The following TNC variants were observed in gnomAD, a reference collection of about 807,000 sequenced individuals.
The protein encoded by TNC is tenascin.
A neutral mutation model predicts 202.4 loss-of-function variants in TNC; 109 were observed. The ratio of observed to expected loss-of-function variants is 0.54; its 90% CI spans 0.46 to 0.63. The LOEUF is 0.63. Ranked by LOEUF, TNC falls within the 30% of genes least tolerant of loss-of-function variation. The probability of loss-of-function intolerance (pLI) is 0.00; values close to 1 mark genes in which losing one functional copy is unlikely to be tolerated. For synonymous variants in TNC, 1,007 were observed against 1,089.7 expected (o/e 0.92, Z 1.50); for missense variants, 2,756 against 2,833.3 (o/e 0.97, Z 0.62).
At chr9:115,094,817 C>CTGTG (rs1166113704) in intron 1 of TNC, among the ~76,000 whole-genome samples, 8 of 29,870 alleles carry the variant, frequency 2.7e-4, no homozygotes, top group African/African-American at 7.8e-4. Context: ...ACAAGTGCCT[C>CTGTG]TGTGTGTGTG....
intron 1 of TNC, among the ~76,000 whole-genome samples, chr9:115,111,399 C>CTCTCTTTTTTTTTTTTTTTTTT (rs1174066886): frequency 9.8e-5 from 7 of 71,362 alleles, no homozygotes; most frequent in East Asian, 6.5e-4. Context: ...CTCTCTCTCT[C>CTCTCTTTTTTTTTTTTTTTTTT]TTTTTTTTTT....
At position 115,048,461 on chromosome 9, in the gene TNC, C is replaced by A; in HGVS notation, c.4651G>T (p.Ala1551Ser). ...NPYGFTVSWM[A>S]SENAFDSFLV... ...AAGCTGTCAAAGGCATTCTCCGATG[C>A]CATCCAGGAAACTGTGAACCCGTAG... is the stretch of plus-strand genomic sequence containing the variant. The change falls in exon 16 of 28, where the codon GCA becomes TCA. Residue 1551 changes from alanine to serine, a missense_variant. Physicochemically the swap from Ala to Ser is moderately conservative, Grantham distance 99 (BLOSUM62 1). Coordinates refer to ENST00000350763, the MANE Select transcript of TNC (RefSeq NM_002160.4). 3 of 1,613,986 alleles carry A rather than the reference C, an allele frequency of 1.9e-6. No individual in the cohort carries two copies. Among genetic ancestry groups the A allele is most frequent in the Non-Finnish European group, 2.5e-6 (3 of 1,179,944 alleles).
chr9:115,048,926 T>C (rs11789268), intron 15 of TNC, among the ~76,000 whole-genome samples: 18,828 of 151,680 alleles, frequency 0.12, 1,382 homozygotes, highest in Non-Finnish European at 0.18. Flanking sequence ...TCCCACTGCC[T>C]TCAGCTCTTT....
At chr9:115,026,410 A>T in intron 26 of TNC, 124 bp downstream of exon 26, 1 of 1,096,476 alleles carries the variant, frequency 9.1e-7, no homozygotes, top group Non-Finnish European at 1.3e-6. Flanking sequence ...GTAGGTACTT[A>T]AATATTTGTT....
rs747518808 is a variant in TNC, at chr9:115,035,185, T to C, written c.5787+19A>G. ...AATGCTTCAACTAGCATTGAGGAGT[T>C]GTTATATACTTAAAATACCTTGACT... On this transcript the variant is annotated intron_variant, in intron 22 of 27. Coordinates refer to ENST00000350763, the MANE Select transcript of TNC (RefSeq NM_002160.4). 1.3e-6 allele frequency: 2 copies of C among 1,587,720 alleles called. No homozygotes were observed. Among genetic ancestry groups the C allele is most frequent in the Admixed American group, 1.8e-5 (1 of 55,964 alleles).
chr9:115,027,500 G>A (rs1028608851), intron 25 of TNC, among the ~76,000 whole-genome samples: 3 of 152,022 alleles, frequency 2.0e-5, no homozygotes, highest in Non-Finnish European at 2.9e-5. Context: ...TGAGGCAGGC[G>A]AATTGCTTGA....
chr9:115,084,705 T>C (rs1044004858), intron 3 of TNC, among the ~76,000 whole-genome samples: 10 of 152,122 alleles, frequency 6.6e-5, no homozygotes, highest in Non-Finnish European at 1.5e-4. Context: ...AGTGTGCCCT[T>C]GGGTGTTTCT....
intron 15 of TNC, among the ~76,000 whole-genome samples, chr9:115,054,520 A>G (rs1210194473): frequency 6.6e-6 from 1 of 152,218 alleles, no homozygotes; most frequent in Non-Finnish European, 1.5e-5. Flanking sequence ...ATGCTACCAG[A>G]CAGACTATCA....
Position 115,077,944 on chromosome 9 carries a change from T to G in TNC, c.2673A>C (p.Thr891=), listed in dbSNP as rs527237713. 7.5e-5 allele frequency: 121 copies of G among 1,613,500 alleles called. 1 individual carries two copies. The South Asian group carries it at 1.3e-3, about 17-fold the overall frequency. ...TGTTAACAGGGGGAGGCCTTTTACC[T>G]GTTGTGAAGGTCTCTTTGGCTGGGT... ...SSNPAKETFT[T]GLDAPRNLRR... The change falls in exon 7 of 28, where the codon ACA becomes ACC. Residue 891 remains threonine, a splice_region_variant and synonymous_variant. Transcript: ENST00000350763.
At position 115,095,504 on chromosome 9, in the gene TNC, ATATATATATG is replaced by A. The variant is rs1564137980; in HGVS notation, c.-136-4360_-136-4351del. ...TGTATATATATATGTATATATATGT[ATATATATATG>A]TATATATATGTATATATATATGTAT... On this transcript the variant is annotated intron_variant, in intron 1 of 27. Transcript: ENST00000350763. Among the ~76,000 whole-genome samples the A allele has an allele frequency of 5.0e-3, 45 of 9,028 alleles. 3 individuals carry two copies. The highest frequency in any genetic ancestry group is 0.011 in the African/African-American group (40 of 3,664). 5.9% of individuals were successfully genotyped at this position (9,028 alleles called of 152,430 possible). A position where few individuals can be genotyped will look rare whatever the true frequency, so the allele number is the denominator to read the frequency against.
intron 1 of TNC, among the ~76,000 whole-genome samples, chr9:115,102,273 A>C (rs933530339): frequency 6.6e-6 from 1 of 152,094 alleles, no homozygotes; most frequent in African/African-American, 2.4e-5. Flanking sequence ...ACCAGCCCCA[A>C]CCTCTGACTA....
At chr9:115,040,867 A>C in intron 19 of TNC, 74 bp downstream of exon 19, 1 of 1,505,124 alleles carries the variant, frequency 6.6e-7, no homozygotes, top group Non-Finnish European at 8.9e-7. Context: ...TGAAGGTGAG[A>C]AATGGCATAG....
rs1215753854 is a variant in TNC, at chr9:115,086,949, C to T, written c.782G>A (p.Gly261Asp). 5.6e-6 allele frequency: 9 copies of T among 1,614,078 alleles called. No homozygotes were observed. In the East Asian group the frequency reaches 1.6e-4, roughly 28 times the overall value. ...CACACACAAGCCATCTACACATGTG[C>T]CGTGCTCCTCACTGCAGGGCACTGG... The part of the protein sequence containing the change: ...ICPVPCSEEH[G>D]TCVDGLCVCH... The change falls in exon 3 of 28, where the codon GGC (glycine) becomes GAC (aspartate). Residue 261 changes from glycine to aspartate, a missense_variant. By Grantham distance (94) the Gly-to-Asp change is moderately conservative. Coordinates refer to ENST00000350763, the MANE Select transcript of TNC (RefSeq NM_002160.4).
At chr9:115,029,080 T>C (rs1431319176) in intron 25 of TNC, among the ~76,000 whole-genome samples, 1 of 145,684 alleles carries the variant, frequency 6.9e-6, no homozygotes, top group Admixed American at 6.9e-5. Context: ...GCTGTTCCTG[T>C]GGCTTTGTGT....
In TNC at chr9:115,084,577, G is replaced by A. The variant is rs577528813; in HGVS notation, c.1868-105C>T. 4.2e-5 allele frequency: 58 copies of A among 1,368,618 alleles called. No individual in the cohort carries two copies. The East Asian group carries it at 7.3e-4, about 17-fold the overall frequency. 84.8% of individuals were successfully genotyped at this position (1,368,618 alleles called of 1,614,324 possible). ...CCACTGTCAGCCACAGAGGTCTGAA[G>A]ATCTTCTGTTGCCTCTAAAATGCAG... On this transcript the variant is annotated intron_variant, in intron 3 of 27. Coordinates refer to ENST00000350763, the MANE Select transcript of TNC (RefSeq NM_002160.4).
chr9:115,038,284 A>T lies in TNC; in HGVS notation c.5489T>A (p.Val1830Asp). The change falls in exon 20 of 28, where the codon GTC becomes GAC. Residue 1830 changes from valine to aspartate, a missense_variant. Coordinates refer to ENST00000350763, the MANE Select transcript of TNC (RefSeq NM_002160.4). ...ACCTTTCTCGCCTGTGTAGGAGATGACATAACTGTCCACAGTGGCAATGGC... is the reference window on the plus strand; with the variant it reads ...ACCTTTCTCGCCTGTGTAGGAGATGTCATAACTGTCCACAGTGGCAATGGC... ...QPAIATVDSY[V>D]ISYTGEKVPE... The T allele has an allele frequency of 6.2e-7, 1 of 1,613,988 alleles. No homozygotes were observed. Among genetic ancestry groups the T allele is most frequent in the Non-Finnish European group, 8.5e-7 (1 of 1,179,968 alleles).
chr9:115,106,604 TG>T (rs1836633751), intron 1 of TNC, among the ~76,000 whole-genome samples: 1 of 152,128 alleles, frequency 6.6e-6, no homozygotes, highest in African/African-American at 2.4e-5. Context: ...TTAAAGCCCC[TG>T]GAGAAAAGCC....
Position 115,059,763 on chromosome 9 carries a change from T to C in TNC, c.4273A>G (p.Arg1425Gly). ...VSIYGVIRGY[R>G]TPVLSAEAST... ...GCCTCAGCAGAGAGTACTGGTGTTCTATAGCCCCGGATCACCCCATAGATG... is the reference window on the plus strand; with the variant it reads ...GCCTCAGCAGAGAGTACTGGTGTTCCATAGCCCCGGATCACCCCATAGATG... The change falls in exon 14 of 28, where the codon AGA becomes GGA. Residue 1425 changes from arginine to glycine, a missense_variant. Arg to Gly is a moderately radical substitution (Grantham distance 125). Around this residue, in one of 2 missense-constraint regions of TNC, gnomAD observed 2,559 missense variants for 2,546.0 expected, o/e 1.01. Transcript: ENST00000350763. 6.2e-7 allele frequency: 1 copy of C among 1,613,248 alleles called. No individual in the cohort carries two copies. The highest frequency in any genetic ancestry group is 8.5e-7 in the Non-Finnish European group (1 of 1,179,332).
chr9:115,086,649 C>T lies in TNC; in HGVS notation c.1082G>A (p.Cys361Tyr). The change falls in exon 3 of 28, where the codon TGT becomes TAT. Residue 361 changes from cysteine (C) to tyrosine (Y), a missense_variant. Physicochemically the swap from Cys to Tyr is radical, Grantham distance 194 (BLOSUM62 -2). This residue lies in a region of TNC where 2,559 missense variants were observed against 2,546.0 expected (regional missense o/e 1.01). Transcript: ENST00000350763. ...HTQGRCEEGQ[C>Y]VCDEGFAGVD... ...ACCGGCAAAGCCCTCATCACATACA[C>T]ACTGCCCCTCCTCACACCGGCCCTG... is the stretch of plus-strand genomic sequence containing the variant. 6.2e-7 allele frequency: 1 copy of T among 1,614,204 alleles called. No individual in the cohort carries two copies. Among genetic ancestry groups the T allele is most frequent in the Non-Finnish European group, 8.5e-7 (1 of 1,180,040 alleles).
Sources: allele counts gnomAD v4.1 joint callset (sites outside exome capture counted in the v4.1 genomes callset), GRCh38; gene constraint gnomAD v4.1.1; regional missense constraint gnomAD v4.1.1; transcripts MANE v1.5; gene names NCBI Gene and HGNC (gene_info 2026-07-23, HGNC 2026-07-21).